The following CCDC149 variants were observed in gnomAD, a reference collection of about 807,000 sequenced individuals.
CCDC149 encodes coiled-coil domain containing 149.
Under a neutral mutation model 59.9 loss-of-function variants are expected in CCDC149, and 45 were observed. The observed-to-expected ratio is 0.75, with a 90% CI of 0.59 to 0.96. CCDC149 has a LOEUF of 0.96. Among genes scored for constraint, CCDC149 ranks in the 40% least tolerant of loss-of-function variants. The probability of loss-of-function intolerance (pLI) is 0.00; values close to 1 mark genes in which losing one functional copy is unlikely to be tolerated. For synonymous variants in CCDC149, 245 were observed against 260.6 expected, an observed-to-expected ratio of 0.94 and a Z score of 0.58; for missense variants, 584 against 664.7, an observed-to-expected ratio of 0.88 and a Z score of 1.33.
chr4:24,918,251 G>C (rs1365860584), intron 1 of CCDC149, among the ~76,000 whole-genome samples: 1 of 152,172 alleles, frequency 6.6e-6, no homozygotes, highest in African/African-American at 2.4e-5. Context: ...CTTCTGTACT[G>C]TAGAAGAATA....
intron 3 of CCDC149, among the ~76,000 whole-genome samples, chr4:24,853,754 C>G (rs975407714): frequency 3.3e-5 from 5 of 152,096 alleles, no homozygotes; most frequent in Non-Finnish European, 7.4e-5. Context: ...GTCTCATGAG[C>G]TTTCGTGTGT....
intron 1 of CCDC149, among the ~76,000 whole-genome samples, chr4:24,965,792 T>C (rs1463263920): frequency 6.6e-6 from 1 of 152,224 alleles, no homozygotes; most frequent in Non-Finnish European, 1.5e-5. Context: ...AGCTGCGCTC[T>C]AGTCAGGAGT....
chr4:24,885,242 A>C (rs13102726), intron 1 of CCDC149, among the ~76,000 whole-genome samples: 63 of 152,018 alleles, frequency 4.1e-4, no homozygotes, highest in Non-Finnish European at 5.4e-4. Context: ...GGGGAGTGTC[A>C]TTAAGAATCA....
intron 1 of CCDC149, among the ~76,000 whole-genome samples, chr4:24,908,218 G>C (rs1721650892): frequency 6.6e-6 from 1 of 152,102 alleles, no homozygotes; most frequent in Non-Finnish European, 1.5e-5. Flanking sequence ...CCAGTAAATT[G>C]CCTCTAAGCT....
chr4:24,869,687 G>A (rs562685089), intron 3 of CCDC149, among the ~76,000 whole-genome samples: 59 of 152,318 alleles, frequency 3.9e-4, no homozygotes, highest in Non-Finnish European at 6.3e-4. Flanking sequence ...CTCACCTTAC[G>A]CCAGGCACCA....
intron 1 of CCDC149, among the ~76,000 whole-genome samples, chr4:24,910,525 G>A (rs1367492657): frequency 1.3e-5 from 2 of 152,066 alleles, no homozygotes; most frequent in Admixed American, 6.5e-5. Flanking sequence ...ATTTTTCACA[G>A]GCACCCAAAA....
At chr4:24,939,405 A>G (rs2109347286) in intron 1 of CCDC149, among the ~76,000 whole-genome samples, 1 of 152,320 alleles carries the variant, frequency 6.6e-6, no homozygotes, top group South Asian at 2.1e-4. Context: ...CGTCACCATC[A>G]TCAAAGACCA....
intron 1 of CCDC149, among the ~76,000 whole-genome samples, chr4:24,975,855 A>G (rs1724168486): frequency 6.6e-6 from 1 of 151,708 alleles, no homozygotes; most frequent in South Asian, 2.1e-4. Context: ...TTTTTTTCTG[A>G]TCAGGCCCAT....
At chr4:24,916,617 TA>T (rs1722127182), upstream of CCDC149, among the ~76,000 whole-genome samples, 1 of 152,128 alleles carries the variant, frequency 6.6e-6, no homozygotes, top group Admixed American at 6.6e-5. Flanking sequence ...GAGTTCTCAT[TA>T]AAGGAAACTA....
At chr4:24,901,386 A>T (rs1307104045) in intron 1 of CCDC149, among the ~76,000 whole-genome samples, 2 of 152,210 alleles carry the variant, frequency 1.3e-5, no homozygotes, top group African/African-American at 4.8e-5. Flanking sequence ...GGTCATTTTC[A>T]TTCAGGGACT....
At chr4:24,839,059 C>CAGAGAGAGAGAG (rs1716752606) in intron 4 of CCDC149, among the ~76,000 whole-genome samples, 2 of 118,892 alleles carry the variant, frequency 1.7e-5, no homozygotes, top group Admixed American at 1.7e-4. Flanking sequence ...CACACACACA[C>CAGAGAGAGAGAG]ACAGAGAGAG....
chr4:24,836,735 C>T (rs533475068), intron 6 of CCDC149, among the ~76,000 whole-genome samples: 2 of 152,272 alleles, frequency 1.3e-5, no homozygotes, highest in Non-Finnish European at 2.9e-5. Context: ...CACTTTAAAA[C>T]AGCCCTCGCA....
chr4:24,871,614 T>TTCTC (rs368515161), intron 3 of CCDC149, among the ~76,000 whole-genome samples: 9 of 150,868 alleles, frequency 6.0e-5, no homozygotes, highest in East Asian at 3.9e-4. Context: ...TGCTCTCTCA[T>TTCTC]TCTCTCTCTC....
chr4:24,917,350 C>T (rs558274867), upstream of CCDC149, among the ~76,000 whole-genome samples: 6 of 152,356 alleles, frequency 3.9e-5, no homozygotes, highest in East Asian at 5.8e-4. Flanking sequence ...TGAACTGCCG[C>T]GCTCACAGTG....
intron 1 of CCDC149, among the ~76,000 whole-genome samples, chr4:24,884,987 G>A (rs1336026584): frequency 6.6e-6 from 1 of 152,092 alleles, no homozygotes; most frequent in Non-Finnish European, 1.5e-5. Flanking sequence ...GCAGTGACAG[G>A]GAAAATGTTA....
At chr4:24,881,652 C>CT (rs1420243737) in intron 1 of CCDC149, among the ~76,000 whole-genome samples, 1 of 152,212 alleles carries the variant, frequency 6.6e-6, no homozygotes. Context: ...ATGGGACTGT[C>CT]TGGGGGGGAG....
At chr4:24,832,334 C>A (rs565510500) in intron 8 of CCDC149, among the ~76,000 whole-genome samples, 14 of 152,050 alleles carry the variant, frequency 9.2e-5, no homozygotes, top group African/African-American at 3.4e-4. Context: ...CAAGGTGGCA[C>A]AAAGATAGGG....
intron 1 of CCDC149, among the ~76,000 whole-genome samples, chr4:24,938,419 T>C (rs1446003866): frequency 1.3e-5 from 2 of 152,198 alleles, no homozygotes; most frequent in African/African-American, 4.8e-5. Flanking sequence ...TCTGGGGGGA[T>C]GGAGCCAAGA....
chr4:24,962,635 A>C (rs1013314968), intron 1 of CCDC149, among the ~76,000 whole-genome samples: 9 of 152,184 alleles, frequency 5.9e-5, no homozygotes, highest in African/African-American at 1.9e-4. Context: ...TCACAAGGAC[A>C]AAAAACCAAG....
Sources: gnomAD v4.1 joint callset for allele counts (sites outside exome capture counted in the v4.1 genomes callset) on GRCh38, gnomAD v4.1.1 for gene constraint, MANE v1.5 for transcripts, NCBI Gene and HGNC (gene_info 2026-07-23, HGNC 2026-07-21) for gene names.